RBM46: variants seen among roughly 807,000 people sequenced by gnomAD.
RBM46 encodes probable RNA-binding protein 46.
A neutral mutation model predicts 43.3 loss-of-function variants in RBM46; 12 were observed. That is an observed-to-expected ratio of 0.28 (90% CI 0.18 to 0.45). The LOEUF (loss-of-function observed/expected upper bound fraction) is 0.45. Among genes scored for constraint, RBM46 ranks in the 20% least tolerant of loss-of-function variants. The pLI is 1.00. For synonymous variants in RBM46, 205 were observed against 207.6 expected, an observed-to-expected ratio of 0.99 and a Z score of 0.11; for missense variants, 412 against 639.1, an observed-to-expected ratio of 0.64 and a Z score of 3.83.
At chr4:154,781,558 C>T (rs1345262175) in intron 1 of RBM46, 122 bp downstream of exon 1, 1 of 152,558 alleles carries the variant, frequency 6.6e-6, no homozygotes, top group African/African-American at 2.4e-5. Flanking sequence ...CGGGGTTCAC[C>T]CTCGTCCTTC....
rs1322721188 is a variant in RBM46, at chr4:154,790,946, G to A, written c.-11-5796G>A. 9.2e-5 allele frequency among the ~76,000 whole-genome samples: 14 copies of A among 152,176 alleles called. No homozygotes were observed. The East Asian group carries it at 1.7e-3, about 19-fold the overall frequency. The stretch of plus-strand genomic sequence containing the variant: ...GTTGACAGCATGCTGAATTTCAACC[G>A]ACAATAGCATGCAGCTTTGTAGAAC... On this transcript the variant is annotated intron_variant, in intron 1 of 4. Coordinates refer to ENST00000281722, the MANE Select transcript of RBM46 (RefSeq NM_144979.5).
chr4:154,827,566 G>A lies in RBM46; in HGVS notation c.1403-302G>A. ...AAAGAAGCTTCTTTGTAGAGCAAGA[G>A]AAATGAGACGTTCTCTTTTTCTATA... On this transcript the variant is annotated intron_variant, in intron 4 of 4. Transcript: ENST00000281722. 5 of 1,107,382 alleles carry A rather than the reference G, an allele frequency of 4.5e-6. No homozygotes were observed. In the South Asian group the frequency reaches 1.3e-4, roughly 29 times the overall value. 68.6% of individuals were successfully genotyped at this position (1,107,382 alleles called of 1,614,324 possible).
chr4:154,804,465 G>T (rs1387199004), intron 4 of RBM46, among the ~76,000 whole-genome samples: 1 of 152,148 alleles, frequency 6.6e-6, no homozygotes, highest in Admixed American at 6.5e-5. Context: ...TTCTTTGGAG[G>T]ATTCTTTGCA....
intron 1 of RBM46, among the ~76,000 whole-genome samples, chr4:154,792,144 T>C (rs1047506258): frequency 5.3e-5 from 8 of 152,188 alleles, no homozygotes; most frequent in Non-Finnish European, 1.2e-4. Context: ...GATTTCTGAT[T>C]TGAATACCAT....
At chr4:154,813,790 T>G (rs1184327199) in intron 4 of RBM46, among the ~76,000 whole-genome samples, 1 of 152,054 alleles carries the variant, frequency 6.6e-6, no homozygotes, top group Non-Finnish European at 1.5e-5. Flanking sequence ...AAATTCCAGG[T>G]GCTAATATAG....
chr4:154,798,687 G>C, intron 3 of RBM46, 95 bp from the exon 4 acceptor site: 1 of 973,648 alleles, frequency 1.0e-6, no homozygotes, highest in Non-Finnish European at 1.4e-6. Flanking sequence ...ATGTGTAGTT[G>C]AGTTTCTGCT....
Position 154,799,216 on chromosome 4 carries a change from G to T in RBM46, c.1054G>T (p.Ala352Ser). Residue 352 changes from alanine to serine, a missense_variant, in exon 4 of 5, where the codon GCT becomes TCT. Physicochemically the swap from Ala to Ser is moderately conservative, Grantham distance 99. Around this residue, in one of 8 missense-constraint regions of RBM46, gnomAD observed 105 missense variants for 111.0 expected, o/e 0.95. Transcript: ENST00000281722. ...TCTAGGCAAGCTGCCAACTCTTCCT[G>T]CTCGTCTCAATGGTCAGCATAGCCC... Reference protein sequence around the residue: ...KTLGKLPTLPARLNGQHSPSP... With the variant: ...KTLGKLPTLPSRLNGQHSPSP... 1 of 1,614,146 alleles carries T rather than the reference G, an allele frequency of 6.2e-7. No individual in the cohort carries two copies. Among genetic ancestry groups the T allele is most frequent in the East Asian group, 2.2e-5 (1 of 44,888 alleles).
chr4:154,799,181 A>G lies in RBM46; in HGVS notation c.1019A>G (p.His340Arg). Residue 340 changes from histidine (H) to arginine (R), a missense_variant, in exon 4 of 5, where the codon CAC becomes CGC. His to Arg is a conservative substitution (Grantham distance 29). Coordinates refer to ENST00000281722, the MANE Select transcript of RBM46 (RefSeq NM_144979.5). ...LIVFANKEES[H>R]PKTLGKLPTL... Reference sequence around the variant, plus strand: ...GTGTTTGCTAACAAAGAAGAGAGCCACCCAAAAACTCTAGGCAAGCTGCCA... The same window carrying G: ...GTGTTTGCTAACAAAGAAGAGAGCCGCCCAAAAACTCTAGGCAAGCTGCCA... 6.2e-7 allele frequency: 1 copy of G among 1,614,154 alleles called. No homozygotes were observed. Among genetic ancestry groups the G allele is most frequent in the South Asian group, 1.1e-5 (1 of 91,072 alleles).
intron 4 of RBM46, among the ~76,000 whole-genome samples, chr4:154,825,784 C>T (rs1735930164): frequency 6.6e-6 from 1 of 152,174 alleles, no homozygotes; most frequent in Non-Finnish European, 1.5e-5. Flanking sequence ...TCTGTGTTCA[C>T]AATTCATGAA....
rs150406479 is a variant in RBM46 at position 154,790,945 on chromosome 4, C to T, written c.-11-5797C>T. Among the ~76,000 whole-genome samples the T allele has an allele frequency of 2.5e-3, 378 of 152,200 alleles. 2 individuals carry two copies. Among genetic ancestry groups the T allele is most frequent in the African/African-American group, 8.4e-3 (348 of 41,526 alleles). ...TGTTGACAGCATGCTGAATTTCAAC[C>T]GACAATAGCATGCAGCTTTGTAGAA... On this transcript the variant is annotated intron_variant, in intron 1 of 4. Transcript: ENST00000281722.
Position 154,789,210 on chromosome 4 carries a change from A to G in RBM46, c.-11-7532A>G, listed in dbSNP as rs189881930. Among the ~76,000 whole-genome samples, 409 of 152,228 alleles carry G rather than the reference A, an allele frequency of 2.7e-3. 3 individuals are homozygous for G. Among genetic ancestry groups the G allele is most frequent in the East Asian group, 0.026 (134 of 5,174 alleles). On this transcript the variant is annotated intron_variant, in intron 1 of 4. Coordinates refer to ENST00000281722, the MANE Select transcript of RBM46 (RefSeq NM_144979.5). ...TGCCCTGGCCAGAACTTCCAACACTATGTTGAGTAGGAGTGGTAAGAGAGG... is the reference window on the plus strand; with the variant it reads ...TGCCCTGGCCAGAACTTCCAACACTGTGTTGAGTAGGAGTGGTAAGAGAGG...
chr4:154,787,861 T>C (rs925046080), intron 1 of RBM46, among the ~76,000 whole-genome samples: 6 of 152,228 alleles, frequency 3.9e-5, no homozygotes, highest in Admixed American at 3.9e-4. Context: ...TCCTGACTTA[T>C]TAATAGTCAC....
chr4:154,782,625 A>G (rs1733551040), intron 1 of RBM46, among the ~76,000 whole-genome samples: 2 of 152,128 alleles, frequency 1.3e-5, no homozygotes, highest in African/African-American at 4.8e-5. Context: ...AGCTGGGACT[A>G]CAGGCGCGCG....
In RBM46 at chr4:154,781,839, C is replaced by CGACCGCTGCAGGCCCG. The variant is rs1215140563; in HGVS notation, c.-12+405_-12+420dup. 1.1e-3 allele frequency: 170 copies of CGACCGCTGCAGGCCCG among 152,508 alleles called. 1 individual carries two copies. Among genetic ancestry groups the CGACCGCTGCAGGCCCG allele is most frequent in the African/African-American group, 3.9e-3 (164 of 41,580 alleles). 9.4% of individuals were successfully genotyped at this position (152,508 alleles called of 1,614,324 possible). A position where few individuals can be genotyped will look rare whatever the true frequency, so the allele number is the denominator to read the frequency against. ...CTGACACGCTTACGCCGACGACCAA[C>CGACCGCTGCAGGCCCG]GACCGCTGCAGGCCCGGGCCGCTGC... On this transcript the variant is annotated intron_variant, in intron 1 of 4. Coordinates refer to ENST00000281722, the MANE Select transcript of RBM46 (RefSeq NM_144979.5).
chr4:154,817,204 T>G (rs777626566), intron 4 of RBM46, among the ~76,000 whole-genome samples: 1 of 152,130 alleles, frequency 6.6e-6, no homozygotes, highest in African/African-American at 2.4e-5. Context: ...TGTTACATCG[T>G]TTTTGAATAT....
At chr4:154,801,490 A>T (rs1178329789) in intron 4 of RBM46, among the ~76,000 whole-genome samples, 2 of 152,230 alleles carry the variant, frequency 1.3e-5, no homozygotes, top group African/African-American at 4.8e-5. Context: ...ATTGTTAGGT[A>T]GACAGCAAAT....
intron 4 of RBM46, among the ~76,000 whole-genome samples, chr4:154,817,497 G>A (rs923602779): frequency 2.0e-5 from 3 of 151,210 alleles, no homozygotes; most frequent in African/African-American, 7.3e-5. Context: ...ACACCCAGCT[G>A]ATTTTTGTAT....
At chr4:154,786,216 A>C (rs181940973) in intron 1 of RBM46, among the ~76,000 whole-genome samples, 41 of 152,196 alleles carry the variant, frequency 2.7e-4, no homozygotes, top group Admixed American at 2.7e-3. Flanking sequence ...CCTCCTGAGT[A>C]GCTGGGATTA....
chr4:154,788,840 G>A (rs1733926166), intron 1 of RBM46, among the ~76,000 whole-genome samples: 1 of 152,090 alleles, frequency 6.6e-6, no homozygotes. Flanking sequence ...CCATTTGTTT[G>A]TGTCCTCTTT....
Sources: gnomAD v4.1 joint callset for allele counts (sites outside exome capture counted in the v4.1 genomes callset) on GRCh38, gnomAD v4.1.1 for gene constraint, gnomAD v4.1.1 regional missense constraint, MANE v1.5 for transcripts, NCBI Gene and HGNC (gene_info 2026-07-23, HGNC 2026-07-21) for gene names.